Variants in PRPSAP2 observed in about 807,000 individuals in gnomAD.
PRPSAP2 encodes phosphoribosyl pyrophosphate synthetase associated protein 2, also known as phosphoribosyl pyrophosphate synthase-associated protein 2.
PRPSAP2 carries 24 observed loss-of-function variants against 40.6 expected under a neutral mutation model. The ratio of observed to expected loss-of-function variants is 0.59; its 90% CI spans 0.43 to 0.83. The LOEUF is 0.83. Among genes scored for constraint, PRPSAP2 ranks in the 40% least tolerant of loss-of-function variants. The pLI, the probability that PRPSAP2 is intolerant of heterozygous loss-of-function variation, is 0.00. For synonymous variants in PRPSAP2, 149 were observed against 164.7 expected, an observed-to-expected ratio of 0.90 and a Z score of 0.73; for missense variants, 292 against 465.6, an observed-to-expected ratio of 0.63 and a Z score of 3.43.
chr17:18,867,103 G>A (rs1400472642), intron 3 of PRPSAP2, among the ~76,000 whole-genome samples, 179 bp from the exon 4 acceptor site: 6 of 152,130 alleles, frequency 3.9e-5, no homozygotes, highest in Non-Finnish European at 4.4e-5. Flanking sequence ...GGAGACATGG[G>A]GTTGGGGTGA....
At chr17:18,923,863 G>A (rs2041829191) in intron 9 of PRPSAP2, 51 bp from the exon 10 acceptor site, 3 of 1,475,422 alleles carry the variant, frequency 2.0e-6, no homozygotes, top group Admixed American at 2.0e-5. Context: ...TTAAAGTTTT[G>A]TTTTACTTTT....
intron 9 of PRPSAP2, among the ~76,000 whole-genome samples, chr17:18,914,511 T>TGGCCTCCCAAACTCTTGGGCTTATA (rs2041188130): frequency 6.6e-6 from 1 of 151,768 alleles, no homozygotes; most frequent in Non-Finnish European, 1.5e-5. Flanking sequence ...CCTCCCTCCT[T>TGGCCTCCCAAACTCTTGGGCTTATA]GGCCTCCCAA....
At chr17:18,868,766 C>G (rs1206880084) in intron 4 of PRPSAP2, among the ~76,000 whole-genome samples, 1 of 151,050 alleles carries the variant, frequency 6.6e-6, no homozygotes, top group South Asian at 2.1e-4. Flanking sequence ...TTATGTTGCC[C>G]AGGCTTATCT....
At chr17:18,881,328 C>G (rs186687161) in intron 6 of PRPSAP2, among the ~76,000 whole-genome samples, 363 of 151,918 alleles carry the variant, frequency 2.4e-3, no homozygotes, top group African/African-American at 7.8e-3. Flanking sequence ...CTCCGCCCCC[C>G]CAGGTTCAAG....
intron 10 of PRPSAP2, among the ~76,000 whole-genome samples, chr17:18,927,899 C>T (rs889951639): frequency 3.9e-5 from 6 of 152,164 alleles, no homozygotes; most frequent in Admixed American, 3.9e-4. Context: ...CTGCCTCAGC[C>T]TCCCAAGTAG....
At chr17:18,890,485 A>G (rs921538068) in intron 8 of PRPSAP2, among the ~76,000 whole-genome samples, 1 of 151,940 alleles carries the variant, frequency 6.6e-6, no homozygotes, top group East Asian at 1.9e-4. Context: ...TTTATTTTTA[A>G]TAGTAGAAAC....
intron 8 of PRPSAP2, among the ~76,000 whole-genome samples, chr17:18,893,196 C>T (rs528221576): frequency 1.5e-4 from 22 of 146,994 alleles, no homozygotes; most frequent in African/African-American, 5.3e-4. Context: ...AGTCTGTTGC[C>T]CAGGCTTGAG....
chr17:18,916,818 C>G (rs1339419403), intron 9 of PRPSAP2, among the ~76,000 whole-genome samples: 1 of 152,210 alleles, frequency 6.6e-6, no homozygotes, highest in African/African-American at 2.4e-5. Flanking sequence ...GTTACTGTGT[C>G]CTCAGATGGT....
intron 8 of PRPSAP2, among the ~76,000 whole-genome samples, chr17:18,909,143 C>T (rs960814059): frequency 2.6e-5 from 4 of 152,030 alleles, no homozygotes; most frequent in East Asian, 3.8e-4. Context: ...AATTACCTAC[C>T]GTACCAAGTG....
At chr17:18,926,273 A>G (rs368888020) in intron 10 of PRPSAP2, among the ~76,000 whole-genome samples, 1 of 108,256 alleles carries the variant, frequency 9.2e-6, no homozygotes, top group Non-Finnish European at 2.0e-5. Context: ...ATTTATTTCT[A>G]TTTTTTTTTT....
At chr17:18,913,911 C>T (rs928899482) in intron 9 of PRPSAP2, among the ~76,000 whole-genome samples, 5 of 151,536 alleles carry the variant, frequency 3.3e-5, no homozygotes, top group African/African-American at 1.2e-4. Flanking sequence ...CGCGGCGGCT[C>T]ACACCTATAA....
chr17:18,873,926 G>A (rs2038085807), intron 5 of PRPSAP2, among the ~76,000 whole-genome samples: 1 of 151,582 alleles, frequency 6.6e-6, no homozygotes, highest in Non-Finnish European at 1.5e-5. Context: ...TTTCTAAGAG[G>A]TAGAGTCTTG....
chr17:18,868,327 T>C (rs977031772), intron 4 of PRPSAP2, among the ~76,000 whole-genome samples: 1 of 151,870 alleles, frequency 6.6e-6, no homozygotes, highest in Admixed American at 6.6e-5. Context: ...ATACAAAAAT[T>C]TGCTGGGCTT....
intron 6 of PRPSAP2, 90 bp from the exon 7 acceptor site, chr17:18,882,474 GCACT>G: frequency 1.3e-6 from 1 of 780,888 alleles, no homozygotes; most frequent in East Asian, 2.5e-5. Context: ...TCATGCCACT[GCACT>G]CCAGCCTGGG....
Position 18,930,708 on chromosome 17 carries a change from T to C in PRPSAP2, c.*10T>C, listed in dbSNP as rs1801755. On this transcript the variant is annotated 3_prime_UTR_variant, in exon 12 of 12. Coordinates refer to ENST00000268835, the MANE Select transcript of PRPSAP2 (RefSeq NM_002767.4). Reference sequence around the variant, plus strand: ...AGGCTTAGATGACTGAGTTTTCCTTTAGGAAAACTCCCGAGGGCCAAACTG... The same window carrying C: ...AGGCTTAGATGACTGAGTTTTCCTTCAGGAAAACTCCCGAGGGCCAAACTG... 0.076 allele frequency: 121,003 copies of C among 1,601,608 alleles called. 5,195 individuals carry two copies. Among genetic ancestry groups the C allele is most frequent in the African/African-American group, 0.17 (12,558 of 74,522 alleles).
intron 5 of PRPSAP2, among the ~76,000 whole-genome samples, chr17:18,876,162 G>A (rs2038286635): frequency 6.6e-6 from 1 of 152,122 alleles, no homozygotes; most frequent in African/African-American, 2.4e-5. Context: ...AAATGATTTA[G>A]TGTTGTCAGA....
rs776950562 is a variant in PRPSAP2 at position 18,867,216 on chromosome 17, T to TA, written c.120-63dup. On this transcript the variant is annotated intron_variant, in intron 3 of 11. Transcript: ENST00000268835. The stretch of plus-strand genomic sequence containing the variant: ...ACTCTTATCGATTTACGAGTCTCCT[T>TA]AAATAGTAAAGATACTGGGTTTCTT... The TA allele has an allele frequency of 6.2e-6, 9 of 1,461,814 alleles. No individual in the cohort carries two copies. The Admixed American group carries it at 7.3e-5, about 12-fold the overall frequency. The allele number at this position is 1,461,814 out of a possible 1,614,324, so 90.6% of individuals were successfully genotyped here.
chr17:18,880,993 T>G (rs1438399589), intron 6 of PRPSAP2, among the ~76,000 whole-genome samples: 1 of 151,054 alleles, frequency 6.6e-6, no homozygotes. Context: ...GCCACCACAC[T>G]TGGCTAATTT....
chr17:18,919,792 A>C (rs1274539852), intron 9 of PRPSAP2, among the ~76,000 whole-genome samples: 1 of 152,244 alleles, frequency 6.6e-6, no homozygotes, highest in Non-Finnish European at 1.5e-5. Context: ...ACTTCCCTGC[A>C]GTCACATAGT....
Sources: allele counts gnomAD v4.1 joint callset (sites outside exome capture counted in the v4.1 genomes callset), GRCh38; gene constraint gnomAD v4.1.1; transcripts MANE v1.5; gene names NCBI Gene and HGNC (gene_info 2026-07-23, HGNC 2026-07-21).